MAOB: variants seen among roughly 807,000 people sequenced by gnomAD.
MAOB encodes monoamine oxidase B.
Under a neutral mutation model 41.9 loss-of-function variants are expected in MAOB, and 15 were observed. The ratio of observed to expected loss-of-function variants is 0.36; its 90% CI spans 0.24 to 0.55. The LOEUF (loss-of-function observed/expected upper bound fraction) is 0.55. MAOB is among the 20% of genes least tolerant of loss of function. MAOB has a pLI of 0.86. For synonymous variants in MAOB, 167 were observed against 144.2 expected (o/e 1.16, Z -1.13); for missense variants, 345 against 398.7 (o/e 0.87, Z 1.15).
chrX:43,845,821 A>G (rs1243165588), intron 1 of MAOB, among the ~76,000 whole-genome samples: 1 of 112,424 alleles, frequency 8.9e-6, no homozygotes, highest in East Asian at 2.8e-4. Context: ...GGCTTTAGTC[A>G]CCGTCTATCA....
intron 1 of MAOB, 120 bp from the exon 2 acceptor site, chrX:43,843,884 C>T (rs1419266849): frequency 4.8e-6 from 5 of 1,051,715 alleles, no homozygotes; most frequent in Non-Finnish European, 6.1e-6. Context: ...TTGTTACATT[C>T]AACTTACAAG....
chrX:43,855,400 G>A (rs1447541875), intron 1 of MAOB, among the ~76,000 whole-genome samples: 1 of 100,047 alleles, frequency 1.0e-5, no homozygotes, highest in African/African-American at 3.6e-5. Context: ...TAGCATATAC[G>A]TGTGTGTGTG....
chrX:43,806,917 T>C (rs2034669457), intron 3 of MAOB, among the ~76,000 whole-genome samples: 2 of 111,379 alleles, frequency 1.8e-5, no homozygotes. Flanking sequence ...CCCCATCCTT[T>C]TGTCTGTTGA....
chrX:43,797,101 G>T, intron 6 of MAOB, 24 bp downstream of exon 6: 1 of 1,187,598 alleles, frequency 8.4e-7, no homozygotes, highest in South Asian at 1.9e-5. Flanking sequence ...TTTCCATTGG[G>T]ACTGTGGAAG....
chrX:43,812,623 C>T (rs144107403), intron 3 of MAOB, among the ~76,000 whole-genome samples: 4 of 112,498 alleles, frequency 3.6e-5, no homozygotes, highest in African/African-American at 9.7e-5. Context: ...GCCATTTGGA[C>T]GTCTTCTTTT....
chrX:43,778,731 T>C lies in MAOB; in HGVS notation c.1088A>G (p.Lys363Arg). 1 of 1,199,084 alleles carries C rather than the reference T, an allele frequency of 8.3e-7. No individual in the cohort carries two copies. Among genetic ancestry groups the C allele is most frequent in the East Asian group, 3.0e-5 (1 of 33,603 alleles). Residue 363 changes from lysine (K) to arginine (R), a missense_variant, in exon 11 of 15, where the codon AAA becomes AGA. Lys to Arg is a conservative substitution (Grantham distance 26). Coordinates refer to ENST00000378069, the MANE Select transcript of MAOB (RefSeq NM_000898.5). Reference protein sequence around the residue: ...ARLTKEERLKKLCELYAKVLG... With the variant: ...ARLTKEERLKRLCELYAKVLG... ...AACCTTGGCATAGAGTTCACAAAGT[T>C]TCTTCAACCTGTGAATGAAAAGAGA...
At chrX:43,851,060 T>C (rs1235012926) in intron 1 of MAOB, among the ~76,000 whole-genome samples, 3 of 112,353 alleles carry the variant, frequency 2.7e-5, no homozygotes, top group Admixed American at 9.5e-5. Flanking sequence ...CTATCTTTTA[T>C]GTATTGTAAT....
chrX:43,802,239 C>G lies in MAOB; in HGVS notation c.409G>C (p.Ala137Pro). ...TTGTCCCACTCTTCTGCAAGGGGAG[C>G]CTTCCATGGGGCATCACTCGGAATC... ...REIPSDAPWKAPLAEEWDNMT... is the reference protein window; with the variant it reads ...REIPSDAPWKPPLAEEWDNMT... Residue 137 changes from alanine to proline, a missense_variant, in exon 5 of 15, where the codon GCT becomes CCT. Ala to Pro is a conservative substitution (Grantham distance 27). Coordinates refer to ENST00000378069, the MANE Select transcript of MAOB (RefSeq NM_000898.5). The G allele has an allele frequency of 8.3e-7, 1 of 1,201,395 alleles. No homozygotes were observed.
intron 1 of MAOB, among the ~76,000 whole-genome samples, chrX:43,863,870 C>A (rs2035348964): frequency 9.0e-6 from 1 of 111,631 alleles, no homozygotes; most frequent in Non-Finnish European, 1.9e-5. Context: ...ATGAAATTTA[C>A]TTCAATTACA....
rs186199644 is a variant in MAOB, at chrX:43,784,115, A to G, written c.929-2571T>C. 5.4e-5 allele frequency among the ~76,000 whole-genome samples: 6 copies of G among 112,035 alleles called. No individual in the cohort carries two copies. In the East Asian group the frequency reaches 1.7e-3, roughly 31 times the overall value. ...TTCTAATTCTCTTGCTATTTCCACC[A>G]TATCTGCAGTTACTTCCTCCACTGA... is the stretch of plus-strand genomic sequence containing the variant. On this transcript the variant is annotated intron_variant, in intron 8 of 14. Transcript: ENST00000378069.
intron 3 of MAOB, among the ~76,000 whole-genome samples, chrX:43,811,716 G>C (rs192397617): frequency 1.9e-4 from 21 of 111,424 alleles, no homozygotes; most frequent in African/African-American, 5.5e-4. Context: ...TGGGTACATA[G>C]TAGGTGTATA....
At chrX:43,771,300 A>G (rs1000161191) in intron 12 of MAOB, among the ~76,000 whole-genome samples, 2 of 112,177 alleles carry the variant, frequency 1.8e-5, no homozygotes, top group African/African-American at 6.5e-5. Context: ...TCAACCCTCT[A>G]TTATAAAATA....
chrX:43,845,160 A>T (rs1463594027), intron 1 of MAOB, among the ~76,000 whole-genome samples: 2 of 111,650 alleles, frequency 1.8e-5, no homozygotes, highest in Non-Finnish European at 3.8e-5. Context: ...AAGCACTCTT[A>T]CAGAATTTAG....
At chrX:43,828,704 G>A (rs1162662443) in intron 3 of MAOB, among the ~76,000 whole-genome samples, 6 of 111,528 alleles carry the variant, frequency 5.4e-5, no homozygotes, top group Admixed American at 4.8e-4. Flanking sequence ...CTGCACCTAA[G>A]CTGAGCTGCC....
At chrX:43,856,632 T>C (rs2035289427) in intron 1 of MAOB, among the ~76,000 whole-genome samples, 1 of 111,908 alleles carries the variant, frequency 8.9e-6, no homozygotes, top group Non-Finnish European at 1.9e-5. Context: ...ATACTTTGTA[T>C]GATATATGTA....
At chrX:43,878,074 G>T (rs1248017698) in intron 1 of MAOB, among the ~76,000 whole-genome samples, 1 of 111,927 alleles carries the variant, frequency 8.9e-6, no homozygotes, top group Non-Finnish European at 1.9e-5. Flanking sequence ...TCCTACATGT[G>T]CATTCTTTCC....
Position 43,797,144 on chromosome X carries a change from G to A in MAOB, c.599C>T (p.Ser200Leu), listed in dbSNP as rs12850496. The A allele has an allele frequency of 1.3e-5, 16 of 1,206,465 alleles. No homozygotes were observed. Among genetic ancestry groups the A allele is most frequent in the East Asian group, 8.9e-5 (3 of 33,654 alleles). Residue 200 changes from serine (S) to leucine (L), a missense_variant, in exon 6 of 15, where the codon TCG becomes TTG. Physicochemically the swap from Ser to Leu is moderately radical, Grantham distance 145. Transcript: ENST00000378069. The stretch of plus-strand genomic sequence containing the variant: ...GGGTACCTGTCCTCCATTTGTTGTC[G>A]AGATGATTCTTGTTGTGCCTCCACA... ...KQCGGTTRIISTTNGGQERKF... is the reference protein window; with the variant it reads ...KQCGGTTRIILTTNGGQERKF...
At chrX:43,798,950 G>A (rs753998640) in intron 5 of MAOB, among the ~76,000 whole-genome samples, 6 of 111,685 alleles carry the variant, frequency 5.4e-5, no homozygotes, top group Non-Finnish European at 7.5e-5. Flanking sequence ...AAGTCAGATC[G>A]TACTTGACGC....
At chrX:43,806,505 A>T (rs1039317905) in intron 3 of MAOB, among the ~76,000 whole-genome samples, 2 of 111,546 alleles carry the variant, frequency 1.8e-5, no homozygotes, top group Non-Finnish European at 3.8e-5. Flanking sequence ...AGGGCACTTG[A>T]TATCAATATG....
Sources: gnomAD v4.1 joint callset for allele counts (sites outside exome capture counted in the v4.1 genomes callset) on GRCh38, gnomAD v4.1.1 for gene constraint, MANE v1.5 for transcripts, NCBI Gene and HGNC (gene_info 2026-07-23, HGNC 2026-07-21) for gene names.